SHANK2: variants seen among roughly 807,000 people sequenced by gnomAD.
SHANK2 encodes the protein SH3 and multiple ankyrin repeat domains protein 2.
In SHANK2, 43 loss-of-function variants were observed where a neutral mutation model predicts 133.7. The ratio of observed to expected loss-of-function variants is 0.32; its 90% CI spans 0.25 to 0.41. SHANK2 has a LOEUF of 0.41. Ranked by LOEUF, SHANK2 falls within the 10% of genes least tolerant of loss-of-function variation. The pLI is 1.00. For missense variants in SHANK2, 1,994 were observed against 2,235.8 expected, an observed-to-expected ratio of 0.89 and a Z score of 2.18; for synonymous variants, 1,017 against 952.8, an observed-to-expected ratio of 1.07 and a Z score of -1.24.
In SHANK2 at chr11:70,637,135, G is replaced by A. The variant is rs905038128; in HGVS notation, c.2061+22693C>T. On this transcript the variant is annotated intron_variant, in intron 17 of 25. Transcript: ENST00000601538. ...TGTGCACGTGTGTGGGTGCCTGTGT[G>A]TGCATGTGTGTGTGCATTAGTATGT... Among the ~76,000 whole-genome samples the A allele has an allele frequency of 7.9e-5, 12 of 152,276 alleles. No individual in the cohort carries two copies. The East Asian group carries it at 1.5e-3, about 20-fold the overall frequency.
At chr11:70,951,122 A>G (rs1188093083) in intron 10 of SHANK2, 2 of 340,040 alleles carry the variant, frequency 5.9e-6, no homozygotes, top group African/African-American at 5.8e-5. Context: ...CCATGACGTC[A>G]TAAATTCATT....
rs782190213 is a variant in SHANK2, at chr11:70,473,361, C to G, written c.5058G>C (p.Gln1686His). 1.2e-6 allele frequency: 2 copies of G among 1,612,808 alleles called. No homozygotes were observed. The highest frequency in any genetic ancestry group is 1.7e-6 in the Non-Finnish European group (2 of 1,180,020). Residue 1686 changes from glutamine (Q) to histidine (H), a missense_variant, in exon 26 of 26, where the codon CAG becomes CAC. Physicochemically the swap from Gln to His is conservative, Grantham distance 24. Transcript: ENST00000601538. The surrounding 1 kb of genome is among the most constrained non-coding windows in gnomAD (Gnocchi z 5.9). ...GGGGCCGGCTCTGCAGGGTGATGGG[C>G]TGGGAGGTGCCGGGGCGAACAGTGA... is the stretch of plus-strand genomic sequence containing the variant. ...VTFTVRPGTS[Q>H]PITLQSRPPD...
intron 17 of SHANK2, among the ~76,000 whole-genome samples, chr11:70,649,699 T>G (rs1257795272): frequency 6.6e-6 from 1 of 152,172 alleles, no homozygotes; most frequent in Non-Finnish European, 1.5e-5. Flanking sequence ...TCAGAGGACC[T>G]GGCGCCAGCA....
chr11:71,252,553 G>C lies in SHANK2; in HGVS notation c.-241C>G, dbSNP rs1236639749. 4 of 150,930 alleles carry C rather than the reference G, an allele frequency of 2.7e-5. No individual in the cohort carries two copies. The East Asian group carries it at 7.9e-4, about 30-fold the overall frequency. The allele number at this position is 150,930 out of a possible 1,614,324, so 9.3% of individuals were successfully genotyped here. On this transcript the variant is annotated 5_prime_UTR_variant, in exon 1 of 26. Transcript: ENST00000601538. The surrounding 1 kb of genome is among the most constrained non-coding windows in gnomAD (Gnocchi z 6.3). Reference sequence around the variant, plus strand: ...GCCGGAGCTCAGGAGCCGCCGCCGCGGCTCAGGTGCAGGGGGTGGGGAAGG... The same window carrying C: ...GCCGGAGCTCAGGAGCCGCCGCCGCCGCTCAGGTGCAGGGGGTGGGGAAGG...
chr11:70,626,303 G>T (rs782818948), intron 17 of SHANK2, among the ~76,000 whole-genome samples: 3 of 152,198 alleles, frequency 2.0e-5, no homozygotes, highest in Non-Finnish European at 4.4e-5. Context: ...TTTAGGAACG[G>T]TTATGAAACA....
chr11:70,572,210 A>G (rs2060054227), intron 17 of SHANK2, among the ~76,000 whole-genome samples: 1 of 152,232 alleles, frequency 6.6e-6, no homozygotes, highest in South Asian at 2.1e-4. Context: ...CCCAGGCTGG[A>G]GTGCAGTGGC....
chr11:71,242,119 G>A (rs1340857484), intron 1 of SHANK2, among the ~76,000 whole-genome samples: 2 of 152,206 alleles, frequency 1.3e-5, no homozygotes, highest in Admixed American at 6.5e-5. Flanking sequence ...ATTATGCTGA[G>A]TGAATTAAGC....
intron 14 of SHANK2, among the ~76,000 whole-genome samples, chr11:70,767,507 G>C (rs1221686742): frequency 6.6e-6 from 1 of 152,136 alleles, no homozygotes; most frequent in Non-Finnish European, 1.5e-5. Flanking sequence ...TACACAAAAG[G>C]AAGCACTACT....
chr11:71,208,437 C>T (rs1324145642), intron 2 of SHANK2, among the ~76,000 whole-genome samples: 3 of 152,090 alleles, frequency 2.0e-5, no homozygotes, highest in East Asian at 1.9e-4. Flanking sequence ...AACCCTAGCC[C>T]GATGCTGCTT....
At chr11:71,116,542 C>T (rs1192234977) in intron 4 of SHANK2, among the ~76,000 whole-genome samples, 4 of 152,218 alleles carry the variant, frequency 2.6e-5, no homozygotes, top group Non-Finnish European at 5.9e-5. Context: ...GACAGCAGCT[C>T]AAAGAGCCCC....
intron 1 of SHANK2, among the ~76,000 whole-genome samples, chr11:71,242,749 G>A (rs1954912057): frequency 6.6e-6 from 1 of 152,338 alleles, no homozygotes; most frequent in African/African-American, 2.4e-5. Context: ...GACACCTGCA[G>A]CACATGCCAC....
At chr11:70,760,003 G>C (rs1460328152) in intron 14 of SHANK2, among the ~76,000 whole-genome samples, 1 of 152,244 alleles carries the variant, frequency 6.6e-6, no homozygotes, top group Non-Finnish European at 1.5e-5. Flanking sequence ...CCAGCCTCCA[G>C]AACTATGAGA....
intron 18 of SHANK2, 65 bp downstream of exon 18, chr11:70,502,731 G>GCCCCCCCCCT: frequency 1.4e-6 from 1 of 700,462 alleles, no homozygotes. Context: ...CAGCTGTCCT[G>GCCCCCCCCCT]CCCGCCCCCA....
intron 11 of SHANK2, among the ~76,000 whole-genome samples, chr11:70,841,335 C>T (rs920466342): frequency 2.3e-4 from 35 of 152,182 alleles, no homozygotes; most frequent in Admixed American, 5.9e-4. Flanking sequence ...GCCTGTGACA[C>T]GCCAGGCATG....
intron 3 of SHANK2, among the ~76,000 whole-genome samples, chr11:71,133,237 A>AATGGATGGATGGATGGATGG (rs533210236): frequency 1.9e-4 from 21 of 109,136 alleles, no homozygotes; most frequent in South Asian, 6.5e-4. Flanking sequence ...TGCACAGATG[A>AATGGATGGATGGATGGATGG]ATGGATGGAT....
intron 14 of SHANK2, among the ~76,000 whole-genome samples, chr11:70,707,408 G>GAA (rs1945688063): frequency 1.4e-5 from 2 of 147,140 alleles, no homozygotes; most frequent in Admixed American, 1.4e-4. Flanking sequence ...GAGAGAGAGA[G>GAA]ATAGAAGGTG....
At chr11:70,945,010 A>G (rs1210652307) in intron 10 of SHANK2, among the ~76,000 whole-genome samples, 4 of 152,070 alleles carry the variant, frequency 2.6e-5, no homozygotes, top group African/African-American at 4.8e-5. Flanking sequence ...CTGTTCCCCA[A>G]ATTGTCTTGG....
intron 14 of SHANK2, among the ~76,000 whole-genome samples, chr11:70,731,809 C>A (rs943499621): frequency 6.6e-6 from 1 of 152,226 alleles, no homozygotes; most frequent in African/African-American, 2.4e-5. Flanking sequence ...CAGCTACCAG[C>A]AAGGTGCCTG....
chr11:70,681,989 C>A (rs1260495682), intron 15 of SHANK2, among the ~76,000 whole-genome samples: 18 of 152,102 alleles, frequency 1.2e-4, no homozygotes, highest in African/African-American at 4.3e-4. Context: ...TGGCCTTCCC[C>A]CAGGCAAGGG....
Sources: allele counts gnomAD v4.1 joint callset (sites outside exome capture counted in the v4.1 genomes callset), GRCh38; gene constraint gnomAD v4.1.1; non-coding constraint Gnocchi (gnomAD v3.1); transcripts MANE v1.5; gene names NCBI Gene and HGNC (gene_info 2026-07-23, HGNC 2026-07-21).